Variants in EYS observed in about 807,000 individuals in gnomAD.
The protein encoded by EYS is EGF-like photoreceptor maintenance factor.
EYS carries 250 observed loss-of-function variants against 282.1 expected under a neutral mutation model. The ratio of observed to expected loss-of-function variants is 0.89; its 90% CI spans 0.80 to 0.98. The LOEUF is 0.98. Ranked by LOEUF, EYS falls within the 50% of genes least tolerant of loss-of-function variation. The pLI, the probability that EYS is intolerant of heterozygous loss-of-function variation, is 0.00. For synonymous variants in EYS, 1,355 were observed against 1,282.9 expected (o/e 1.06, Z -1.20); for missense variants, 4,016 against 3,709.0 (o/e 1.08, Z -2.15).
In EYS at chr6:63,843,785, A is replaced by G. The variant is rs144343263; in HGVS notation, c.7228+20401T>C. Among the ~76,000 whole-genome samples, 406 of 152,324 alleles carry G rather than the reference A, an allele frequency of 2.7e-3. 1 individual carries two copies. The highest frequency in any genetic ancestry group is 9.4e-3 in the African/African-American group (391 of 41,576). On this transcript the variant is annotated intron_variant, in intron 36 of 42. Transcript: ENST00000503581. Reference sequence around the variant, plus strand: ...AGAGAAAGAAATAAAGCGTATTCAAATAGGAAGACAGGAAGTCAAATTATC... The same window carrying G: ...AGAGAAAGAAATAAAGCGTATTCAAGTAGGAAGACAGGAAGTCAAATTATC...
At chr6:64,167,217 A>G (rs1764317101) in intron 31 of EYS, among the ~76,000 whole-genome samples, 2 of 152,210 alleles carry the variant, frequency 1.3e-5, no homozygotes, top group African/African-American at 4.8e-5. Flanking sequence ...ATTACCATAT[A>G]TTTATTTAGT....
intron 22 of EYS, among the ~76,000 whole-genome samples, chr6:64,676,594 C>T (rs1240211779): frequency 6.6e-6 from 1 of 152,002 alleles, no homozygotes; most frequent in Non-Finnish European, 1.5e-5. Context: ...TTTTGCCATA[C>T]ATTTTGTATA....
chr6:65,689,869 G>T (rs2149843804), intron 1 of EYS, among the ~76,000 whole-genome samples: 1 of 149,912 alleles, frequency 6.7e-6, no homozygotes, highest in East Asian at 2.3e-4. Context: ...TTCCCAGACA[G>T]ATCGGCAGGT....
chr6:65,697,440 G>C (rs531383433), intron 1 of EYS, among the ~76,000 whole-genome samples: 1 of 152,034 alleles, frequency 6.6e-6, no homozygotes, highest in East Asian at 1.9e-4. Flanking sequence ...ATTTGTGCAG[G>C]TAGTCTTTCA....
At chr6:65,013,590 G>A (rs1212086059) in intron 13 of EYS, among the ~76,000 whole-genome samples, 1 of 152,164 alleles carries the variant, frequency 6.6e-6, no homozygotes, top group Non-Finnish European at 1.5e-5. Flanking sequence ...TTAAATGTGG[G>A]TGAGGCTGGG....
At chr6:64,423,046 T>C (rs1357548563) in intron 28 of EYS, among the ~76,000 whole-genome samples, 3 of 152,186 alleles carry the variant, frequency 2.0e-5, no homozygotes, top group African/African-American at 7.2e-5. Context: ...AATATTTAAT[T>C]CATTTATTCA....
chr6:65,185,825 T>C lies in EYS; in HGVS notation c.2023+110038A>G, dbSNP rs577521395. ...ACTATTTATAGTATGTTCTTGGTTT[T>C]ATTATGTGATTTTATTTAAAAGTTA... On this transcript the variant is annotated intron_variant, in intron 12 of 42. Transcript: ENST00000503581. 7.2e-5 allele frequency among the ~76,000 whole-genome samples: 11 copies of C among 151,882 alleles called. No homozygotes were observed. The South Asian group carries it at 2.3e-3, about 32-fold the overall frequency.
intron 13 of EYS, among the ~76,000 whole-genome samples, chr6:65,048,043 A>G (rs1773153151): frequency 6.6e-6 from 1 of 151,966 alleles, no homozygotes; most frequent in Non-Finnish European, 1.5e-5. Flanking sequence ...AAAAGAAAGC[A>G]TGGAAAATAC....
chr6:64,805,915 A>C lies in EYS; in HGVS notation c.3443+7463T>G, dbSNP rs113092700. ...AGTAAGCAATTATAAGGGTTGTGAT[A>C]GTTCAGGAGGTCATCAGAAAAAGAT... On this transcript the variant is annotated intron_variant, in intron 22 of 42. Transcript: ENST00000503581. 7.5e-3 allele frequency among the ~76,000 whole-genome samples: 1,131 copies of C among 151,662 alleles called. 9 individuals carry two copies. The highest frequency in any genetic ancestry group is 0.025 in the African/African-American group (1,031 of 41,542).
At chr6:64,547,381 G>A (rs552937403) in intron 26 of EYS, among the ~76,000 whole-genome samples, 87 of 152,072 alleles carry the variant, frequency 5.7e-4, no homozygotes, top group Non-Finnish European at 1.1e-3. Flanking sequence ...TGACTGGTGC[G>A]TTTGCAATCC....
At chr6:65,218,745 T>G (rs754395449) in intron 12 of EYS, among the ~76,000 whole-genome samples, 2 of 152,236 alleles carry the variant, frequency 1.3e-5, no homozygotes, top group Non-Finnish European at 2.9e-5. Flanking sequence ...CCAGAAATAC[T>G]GTTAAATATG....
At chr6:64,662,175 C>T (rs1430792698) in intron 22 of EYS, among the ~76,000 whole-genome samples, 5 of 135,206 alleles carry the variant, frequency 3.7e-5, no homozygotes, top group Non-Finnish European at 6.1e-5. Flanking sequence ...TAGGTGGGAA[C>T]TGAACAATGA....
intron 2 of EYS, 80 bp from the exon 3 acceptor site, chr6:65,496,073 C>T (rs2127272746): frequency 6.6e-6 from 1 of 152,220 alleles, no homozygotes; most frequent in South Asian, 2.1e-4. Flanking sequence ...CTTAAAATAA[C>T]TCATAGTGAT....
At chr6:64,830,303 A>G (rs1278221474) in intron 19 of EYS, among the ~76,000 whole-genome samples, 1 of 151,990 alleles carries the variant, frequency 6.6e-6, no homozygotes, top group African/African-American at 2.4e-5. Context: ...AGTCTACGGG[A>G]TTTTGTGATA....
chr6:64,195,683 G>C (rs112109202), intron 31 of EYS, among the ~76,000 whole-genome samples: 1,727 of 152,090 alleles, frequency 0.011, 29 homozygotes, highest in African/African-American at 0.039. Flanking sequence ...GTGTATGTTT[G>C]TGTGTATGTA....
At chr6:64,309,686 G>GCCAGGCAC (rs1769597606) in intron 29 of EYS, among the ~76,000 whole-genome samples, 1 of 151,920 alleles carries the variant, frequency 6.6e-6, no homozygotes, top group South Asian at 2.1e-4. Flanking sequence ...CAAAAGCTCA[G>GCCAGGCAC]CCAGGCACGG....
At position 64,765,016 on chromosome 6, in the gene EYS, C is replaced by A. The variant is rs538704907; in HGVS notation, c.3443+48362G>T. Among the ~76,000 whole-genome samples, 5 of 152,326 alleles carry A rather than the reference C, an allele frequency of 3.3e-5. No individual in the cohort carries two copies. The South Asian group carries it at 1.0e-3, about 32-fold the overall frequency. On this transcript the variant is annotated intron_variant, in intron 22 of 42. Transcript: ENST00000503581. ...CCTCCCAAAGTGCTGGGATTATAGG[C>A]GTCAGCCACCGCGCCTGCCCCTTCC...
At chr6:63,991,285 G>A (rs937501442) in intron 34 of EYS, among the ~76,000 whole-genome samples, 1 of 151,668 alleles carries the variant, frequency 6.6e-6, no homozygotes, top group Non-Finnish European at 1.5e-5. Flanking sequence ...AGAAGTGACT[G>A]TCTTATCAAA....
intron 22 of EYS, among the ~76,000 whole-genome samples, chr6:64,727,382 T>C (rs886609665): frequency 1.3e-5 from 2 of 152,222 alleles, no homozygotes; most frequent in African/African-American, 4.8e-5. Context: ...GTTTGTTTTA[T>C]TTCTTTGCAT....
Sources: gnomAD v4.1 joint callset for allele counts (sites outside exome capture counted in the v4.1 genomes callset) on GRCh38, gnomAD v4.1.1 for gene constraint, MANE v1.5 for transcripts, NCBI Gene and HGNC (gene_info 2026-07-23, HGNC 2026-07-21) for gene names.